The following FAM117B variants were observed in gnomAD, a reference collection of about 807,000 sequenced individuals.
FAM117B encodes the protein protein FAM117B.
In FAM117B, 22 loss-of-function variants were observed where a neutral mutation model predicts 52.8. The observed-to-expected ratio is 0.42, with a 90% CI of 0.30 to 0.59. The LOEUF (loss-of-function observed/expected upper bound fraction) is 0.59. Ranked by LOEUF, FAM117B falls within the 20% of genes least tolerant of loss-of-function variation. FAM117B has a pLI of 0.22. For synonymous variants in FAM117B, 309 were observed against 324.1 expected (o/e 0.95, Z 0.50); for missense variants, 678 against 802.6 (o/e 0.84, Z 1.88).
chr2:202,691,700 C>T (rs200631580), intron 1 of FAM117B, among the ~76,000 whole-genome samples: 2,443 of 101,304 alleles, frequency 0.024, 27 homozygotes, highest in Middle Eastern at 0.079. Context: ...TGTGTGTGTG[C>T]GCGCGCGCCT....
chr2:202,693,805 A>G (rs1031933390), intron 1 of FAM117B, among the ~76,000 whole-genome samples: 6 of 152,114 alleles, frequency 3.9e-5, no homozygotes, highest in Admixed American at 3.3e-4. Flanking sequence ...AATGTGTCCA[A>G]TCATCTTCTC....
chr2:202,671,161 T>C (rs770789094), intron 1 of FAM117B, among the ~76,000 whole-genome samples: 8 of 152,216 alleles, frequency 5.3e-5, no homozygotes, highest in Non-Finnish European at 7.3e-5. Context: ...AAACACCGTT[T>C]TGAGATTAAT....
intron 2 of FAM117B, among the ~76,000 whole-genome samples, chr2:202,717,885 C>T (rs1691083054): frequency 6.6e-6 from 1 of 152,152 alleles, no homozygotes; most frequent in African/African-American, 2.4e-5. Context: ...CCTTTCCTTC[C>T]TGGTGGTAAG....
Position 202,682,739 on chromosome 2 carries a change from G to A in FAM117B, c.602-13142G>A, listed in dbSNP as rs147888677. 3.9e-3 allele frequency among the ~76,000 whole-genome samples: 600 copies of A among 152,246 alleles called. 6 individuals are homozygous for A. Among genetic ancestry groups the A allele is most frequent in the African/African-American group, 0.013 (561 of 41,556 alleles). On this transcript the variant is annotated intron_variant, in intron 1 of 7. Coordinates refer to ENST00000392238, the MANE Select transcript of FAM117B (RefSeq NM_173511.4). ...CACAACAGAATTAAATTAGAAGTCA[G>A]TAACAGAAAGATTCTTGAAAAATCT...
intron 1 of FAM117B, among the ~76,000 whole-genome samples, chr2:202,661,822 A>G (rs1218594935): frequency 6.6e-6 from 1 of 151,830 alleles, no homozygotes; most frequent in African/African-American, 2.4e-5. Flanking sequence ...GGGCTGAGGC[A>G]GGAGAATAGC....
intron 4 of FAM117B, among the ~76,000 whole-genome samples, chr2:202,754,888 CAAAAAAAAAA>C (rs149747057): frequency 1.2e-5 from 1 of 85,716 alleles, no homozygotes; most frequent in Non-Finnish European, 2.1e-5. Context: ...AGATTCGTCT[CAAAAAAAAAA>C]AAAAAAAAAG....
At chr2:202,710,887 C>CT (rs1054675952) in intron 2 of FAM117B, among the ~76,000 whole-genome samples, 22 of 151,522 alleles carry the variant, frequency 1.5e-4, no homozygotes, top group East Asian at 3.9e-4. Flanking sequence ...GACAGGATCT[C>CT]TTTTTTTTTG....
intron 4 of FAM117B, among the ~76,000 whole-genome samples, chr2:202,730,764 A>G (rs560754265): frequency 6.6e-4 from 101 of 152,358 alleles, no homozygotes; most frequent in Non-Finnish European, 7.1e-4. Context: ...AAAATCGTCA[A>G]GGACCTAAAT....
intron 2 of FAM117B, among the ~76,000 whole-genome samples, chr2:202,696,769 C>G (rs1690717623): frequency 6.6e-6 from 1 of 152,070 alleles, no homozygotes; most frequent in African/African-American, 2.4e-5. Flanking sequence ...AAAGGGATCT[C>G]AAGAAATCAT....
intron 4 of FAM117B, among the ~76,000 whole-genome samples, chr2:202,743,650 A>G (rs975358321): frequency 1.6e-4 from 25 of 152,206 alleles, no homozygotes; most frequent in African/African-American, 5.8e-4. Context: ...AATCAGGAAA[A>G]TAATTTATTT....
At chr2:202,682,475 T>C (rs1690476788) in intron 1 of FAM117B, among the ~76,000 whole-genome samples, 1 of 152,074 alleles carries the variant, frequency 6.6e-6, no homozygotes, top group African/African-American at 2.4e-5. Flanking sequence ...CTGCGAGGGG[T>C]GGAGTAACAA....
At chr2:202,644,053 G>GGT (rs1689814243) in intron 1 of FAM117B, among the ~76,000 whole-genome samples, 1 of 60,152 alleles carries the variant, frequency 1.7e-5, no homozygotes, top group African/African-American at 8.0e-5. Context: ...TTTAGGAGCT[G>GGT]TTTTTTTTTT....
intron 1 of FAM117B, among the ~76,000 whole-genome samples, chr2:202,691,651 G>GTGTGTGTGTGTGTA (rs1419924901): frequency 0.086 from 2,749 of 32,144 alleles, 51 homozygotes; most frequent in Non-Finnish European, 0.1. Context: ...AGTTTACATT[G>GTGTGTGTGTGTGTA]TGTGTGTGTG....
At chr2:202,715,847 A>T (rs1368918363) in intron 2 of FAM117B, among the ~76,000 whole-genome samples, 3 of 151,990 alleles carry the variant, frequency 2.0e-5, no homozygotes, top group Admixed American at 2.0e-4. Context: ...CGGGAGGCCG[A>T]GGCTGGCGGA....
At chr2:202,674,490 A>G (rs964012678) in intron 1 of FAM117B, among the ~76,000 whole-genome samples, 10 of 152,168 alleles carry the variant, frequency 6.6e-5, no homozygotes, top group African/African-American at 2.4e-4. Context: ...TACTCTATCT[A>G]CTCTGCTGCA....
intron 2 of FAM117B, among the ~76,000 whole-genome samples, chr2:202,719,289 T>TAATA (rs1691112396): frequency 6.6e-6 from 1 of 152,212 alleles, no homozygotes; most frequent in Non-Finnish European, 1.5e-5. Flanking sequence ...TCTTAGTAAT[T>TAATA]AATAGTGTTA....
In FAM117B at chr2:202,769,562, T is replaced by C. The variant is rs1342106435; in HGVS notation, c.*3798T>C. The C allele has an allele frequency of 6.6e-6, 1 of 152,644 alleles. No individual in the cohort carries two copies. Among genetic ancestry groups the C allele is most frequent in the African/African-American group, 2.4e-5 (1 of 41,450 alleles). The allele number at this position is 152,644 out of a possible 1,614,324, so 9.5% of individuals were successfully genotyped here. ...TTTTTAACTCTTCATTTTTTGTCTC[T>C]GTGGAAGCTGTGTAACTCTTTTTAA... is the stretch of plus-strand genomic sequence containing the variant. On this transcript the variant is annotated 3_prime_UTR_variant, in exon 8 of 8. Coordinates refer to ENST00000392238, the MANE Select transcript of FAM117B (RefSeq NM_173511.4).
chr2:202,681,726 T>C (rs1358905161), intron 1 of FAM117B, among the ~76,000 whole-genome samples: 2 of 152,212 alleles, frequency 1.3e-5, no homozygotes, highest in African/African-American at 4.8e-5. Context: ...AAATATAACC[T>C]AAGTTGCATT....
chr2:202,690,864 C>T (rs1391737255), intron 1 of FAM117B, among the ~76,000 whole-genome samples: 1 of 152,126 alleles, frequency 6.6e-6, no homozygotes, highest in Non-Finnish European at 1.5e-5. Flanking sequence ...GATTTTCCTC[C>T]CATAACCTCC....
Sources: gnomAD v4.1 joint callset for allele counts (sites outside exome capture counted in the v4.1 genomes callset) on GRCh38, gnomAD v4.1.1 for gene constraint, MANE v1.5 for transcripts, NCBI Gene and HGNC (gene_info 2026-07-23, HGNC 2026-07-21) for gene names.